The following ZNF793 variants were observed in gnomAD, a reference collection of about 807,000 sequenced individuals.
The protein encoded by ZNF793 is zinc finger protein 793.
In ZNF793, 5 loss-of-function variants were observed where a neutral mutation model predicts 12.4. That is an observed-to-expected ratio of 0.40 (90% CI 0.21 to 0.84). ZNF793 has a LOEUF of 0.84. Among genes scored for constraint, ZNF793 ranks in the 40% least tolerant of loss-of-function variants. The pLI is 0.35. For synonymous variants in ZNF793, 162 were observed against 172.4 expected, an observed-to-expected ratio of 0.94 and a Z score of 0.47; for missense variants, 456 against 495.0, an observed-to-expected ratio of 0.92 and a Z score of 0.75.
rs370817648 is a variant in ZNF793, at chr19:37,533,301, G to A, written c.143-7G>A. 35 of 1,613,594 alleles carry A rather than the reference G, an allele frequency of 2.2e-5. No homozygotes were observed. Among genetic ancestry groups the A allele is most frequent in the Admixed American group, 1.0e-4 (6 of 59,976 alleles). The stretch of plus-strand genomic sequence containing the variant: ...GCCCAAGACCTGCATCAATTTCCCC[G>A]GAACAGGTTATGAAGGCACCAAACC... On this transcript the variant is annotated splice_polypyrimidine_tract_variant and splice_region_variant and intron_variant, in intron 6 of 7. Coordinates refer to ENST00000627814, the MANE Select transcript of ZNF793 (RefSeq NM_001013659.3).
At chr19:37,530,510 G>A (rs2042450934) in intron 5 of ZNF793, among the ~76,000 whole-genome samples, 1 of 152,164 alleles carries the variant, frequency 6.6e-6, no homozygotes, top group Non-Finnish European at 1.5e-5. Flanking sequence ...CTTGAGATTA[G>A]GGAGTGGTGA....
chr19:37,536,621 C>CT (rs1471617185), intron 7 of ZNF793: 7 of 432,240 alleles, frequency 1.6e-5, no homozygotes, highest in Non-Finnish European at 2.4e-5. Context: ...CCCACAAAGC[C>CT]TTTACTTTCT....
Position 37,536,970 on chromosome 19 carries a change from C to G in ZNF793, c.312C>G (p.Ser104Arg), listed in dbSNP as rs117888549. 1 of 1,613,778 alleles carries G rather than the reference C, an allele frequency of 6.2e-7. No homozygotes were observed. The change falls in exon 8 of 8, where the codon AGC becomes AGG. Residue 104 changes from serine to arginine, a missense_variant. By Grantham distance (110) the Ser-to-Arg change is moderately radical. Coordinates refer to ENST00000627814, the MANE Select transcript of ZNF793 (RefSeq NM_001013659.3). ...DMLLRPGAAISKKTLPKEKSC... is the reference protein window; with the variant it reads ...DMLLRPGAAIRKKTLPKEKSC... ...TTTTGAGGCCAGGCGCAGCCATAAG[C>G]AAGAAAACATTGCCCAAGGAGAAAA... is the stretch of plus-strand genomic sequence containing the variant.
At chr19:37,508,886 A>G (rs1468304994) in intron 2 of ZNF793, among the ~76,000 whole-genome samples, 1 of 152,162 alleles carries the variant, frequency 6.6e-6, no homozygotes, top group African/African-American at 2.4e-5. Context: ...GCCTTGTCCT[A>G]TATATTTTAG....
Position 37,537,114 on chromosome 19 carries a change from G to C in ZNF793, c.456G>C (p.Leu152Phe), listed in dbSNP as rs761553902. The C allele has an allele frequency of 3.1e-6, 5 of 1,613,154 alleles. No individual in the cohort carries two copies. Among genetic ancestry groups the C allele is most frequent in the Non-Finnish European group, 3.4e-6 (4 of 1,179,530 alleles). ...CGKNLNHNLD[L>F]IGFKRNCAKK... Reference sequence around the variant, plus strand: ...AGAATTTGAACCATAATTTAGACTTGATTGGTTTTAAGAGAAACTGTGCAA... The same window carrying C: ...AGAATTTGAACCATAATTTAGACTTCATTGGTTTTAAGAGAAACTGTGCAA... Residue 152 changes from leucine to phenylalanine, a missense_variant, in exon 8 of 8, where the codon TTG (leucine) becomes TTC (phenylalanine). Physicochemically the swap from Leu to Phe is conservative, Grantham distance 22 (BLOSUM62 0). Transcript: ENST00000627814.
In ZNF793 at chr19:37,538,638, C is replaced by A. The variant is rs920768654; in HGVS notation, c.*759C>A. ...GTTGTATCATAATGGAAATCATGAT[C>A]TAATTGTGATACAAACTTTTCTAGA... On this transcript the variant is annotated 3_prime_UTR_variant, in exon 8 of 8. Coordinates refer to ENST00000627814, the MANE Select transcript of ZNF793 (RefSeq NM_001013659.3). The A allele has an allele frequency of 1.3e-5, 2 of 151,876 alleles. No homozygotes were observed. Among genetic ancestry groups the A allele is most frequent in the African/African-American group, 2.4e-5 (1 of 41,286 alleles). 9.4% of individuals were successfully genotyped at this position (151,876 alleles called of 1,614,324 possible). A position where few individuals can be genotyped will look rare whatever the true frequency, so the allele number is the denominator to read the frequency against.
Position 37,538,429 on chromosome 19 carries a change from TGCCAC to T in ZNF793, c.*551_*555del, listed in dbSNP as rs974481747. The T allele has an allele frequency of 2.6e-5, 4 of 152,348 alleles. No homozygotes were observed. The highest frequency in any genetic ancestry group is 9.7e-5 in the African/African-American group (4 of 41,424). 9.4% of individuals were successfully genotyped at this position (152,348 alleles called of 1,614,324 possible). On this transcript the variant is annotated 3_prime_UTR_variant, in exon 8 of 8. Coordinates refer to ENST00000627814, the MANE Select transcript of ZNF793 (RefSeq NM_001013659.3). Reference sequence around the variant, plus strand: ...CCAAGTAGCTGGGATTACAGGCACCTGCCACCACGCCTGGCTAATTTTTGTATTTT... The same window carrying T: ...CCAAGTAGCTGGGATTACAGGCACCTCACGCCTGGCTAATTTTTGTATTTT...
In ZNF793 at chr19:37,537,619, G is replaced by A; in HGVS notation, c.961G>A (p.Gly321Ser). Residue 321 changes from glycine to serine, a missense_variant, in exon 8 of 8, where the codon GGT becomes AGT. Transcript: ENST00000627814. The stretch of plus-strand genomic sequence containing the variant: ...CTGCAGTGAATGCGGGAAATCGTTT[G>A]GTGAGAAGTCATACCTCAATGTACA... ...FVCSECGKSFGEKSYLNVHRK... is the reference protein window; with the variant it reads ...FVCSECGKSFSEKSYLNVHRK... The A allele has an allele frequency of 6.2e-7, 1 of 1,614,058 alleles. No homozygotes were observed. The highest frequency in any genetic ancestry group is 8.5e-7 in the Non-Finnish European group (1 of 1,179,994).
chr19:37,530,330 T>C (rs1048153582), intron 5 of ZNF793, among the ~76,000 whole-genome samples: 4 of 152,140 alleles, frequency 2.6e-5, no homozygotes, highest in African/African-American at 9.7e-5. Flanking sequence ...CTTATACTAA[T>C]CCTCCTCAGC....
At position 37,537,162 on chromosome 19, in the gene ZNF793, T is replaced by C. The variant is rs752371633; in HGVS notation, c.504T>C (p.Ala168=). ...NCAKKQDECY[A]YGKLLQRINH... ...CAAAAAAGCAAGATGAGTGTTATGC[T>C]TATGGGAAATTGCTTCAGCGTATAA... Residue 168 remains alanine (A), a synonymous_variant, in exon 8 of 8, where the codon GCT becomes GCC. Transcript: ENST00000627814. 5 of 1,613,402 alleles carry C rather than the reference T, an allele frequency of 3.1e-6. No individual in the cohort carries two copies. The African/African-American group carries it at 6.7e-5, about 22-fold the overall frequency.
intron 2 of ZNF793, among the ~76,000 whole-genome samples, chr19:37,515,653 T>C (rs2042326361): frequency 6.6e-6 from 1 of 152,206 alleles, no homozygotes; most frequent in South Asian, 2.1e-4. Context: ...GATGAAAATA[T>C]GCCATTTAGA....
At position 37,542,766 on chromosome 19, in the gene ZNF793, AT is replaced by A. The variant is rs1235976130; in HGVS notation, c.*4894del. The A allele has an allele frequency of 6.1e-6, 1 of 164,820 alleles. No individual in the cohort carries two copies. The highest frequency in any genetic ancestry group is 1.3e-5 in the Non-Finnish European group (1 of 75,064). The allele number at this position is 164,820 out of a possible 1,614,324, so 10.2% of individuals were successfully genotyped here. ...TATTAAGTATGTTAAATATGACTCC[AT>A]TTTTTTAAATCATTAACAAAATGTC... On this transcript the variant is annotated 3_prime_UTR_variant, in exon 8 of 8. Coordinates refer to ENST00000627814, the MANE Select transcript of ZNF793 (RefSeq NM_001013659.3).
At chr19:37,536,652 G>T in intron 7 of ZNF793, 1 of 447,152 alleles carries the variant, frequency 2.2e-6, no homozygotes, top group Non-Finnish European at 3.9e-6. Flanking sequence ...GAATAAGTTT[G>T]CCAACCTCTG....
chr19:37,525,936 C>T (rs1164782891), intron 5 of ZNF793, among the ~76,000 whole-genome samples: 1 of 152,094 alleles, frequency 6.6e-6, no homozygotes, highest in Non-Finnish European at 1.5e-5. Context: ...TGAGGTGTTC[C>T]CAGCCCCCAA....
chr19:37,514,558 G>GTAGA (rs1364258191), intron 2 of ZNF793, among the ~76,000 whole-genome samples: 12 of 132,060 alleles, frequency 9.1e-5, no homozygotes, highest in Middle Eastern at 3.8e-3. Flanking sequence ...CCTGTCTCCA[G>GTAGA]TAGATAGATA....
rs886641543 is a variant in ZNF793, at chr19:37,520,516, C to T, written c.-147+204C>T. The stretch of plus-strand genomic sequence containing the variant: ...AGCTGAGCAAGACCAAACCTGAAGA[C>T]GTTACTCTTTCCAGGGACTCTCCAT... On this transcript the variant is annotated intron_variant, in intron 3 of 7. Transcript: ENST00000627814. 1.5e-4 allele frequency among the ~76,000 whole-genome samples: 23 copies of T among 152,252 alleles called. 1 individual carries two copies. The highest frequency in any genetic ancestry group is 3.4e-3 in the Middle Eastern group (1 of 294).
At position 37,537,817 on chromosome 19, in the gene ZNF793, A is replaced by G; in HGVS notation, c.1159A>G (p.Lys387Glu). 9 of 1,613,546 alleles carry G rather than the reference A, an allele frequency of 5.6e-6. No homozygotes were observed. The highest frequency in any genetic ancestry group is 7.6e-6 in the Non-Finnish European group (9 of 1,179,538). Residue 387 changes from lysine (K) to glutamate (E), a missense_variant, in exon 8 of 8, where the codon AAA becomes GAA. Lys to Glu is a moderately conservative substitution (Grantham distance 56, BLOSUM62 1). Coordinates refer to ENST00000627814, the MANE Select transcript of ZNF793 (RefSeq NM_001013659.3). ...YQKPNLSRHQ[K>E]IHARKNAYRN... ...GAAGCCAAACCTCAGCAGACATCAG[A>G]AAATTCATGCTCGGAAGAATGCCTA...
At chr19:37,525,758 C>T (rs2042410812) in intron 5 of ZNF793, among the ~76,000 whole-genome samples, 1 of 152,176 alleles carries the variant, frequency 6.6e-6, no homozygotes, top group Non-Finnish European at 1.5e-5. Context: ...CAGAGGGCTG[C>T]TTCAAGTGTA....
rs2291004 is a variant in ZNF793, at chr19:37,507,050, C to A, written c.-415+84C>A. 0.22 allele frequency: 33,351 copies of A among 152,150 alleles called. 3,977 individuals carry two copies. Among genetic ancestry groups the A allele is most frequent in the South Asian group, 0.32 (1,532 of 4,812 alleles). 9.4% of individuals were successfully genotyped at this position (152,150 alleles called of 1,614,324 possible). ...GGGAAGGCACGGTTTGAGAAACGGTCAAACCTGGGACTAGTGGAGGATAGT... is the reference window on the plus strand; with the variant it reads ...GGGAAGGCACGGTTTGAGAAACGGTAAAACCTGGGACTAGTGGAGGATAGT... On this transcript the variant is annotated intron_variant, in intron 1 of 7. Transcript: ENST00000627814.
Sources: gnomAD v4.1 joint callset for allele counts (sites outside exome capture counted in the v4.1 genomes callset) on GRCh38, gnomAD v4.1.1 for gene constraint, MANE v1.5 for transcripts, NCBI Gene and HGNC (gene_info 2026-07-23, HGNC 2026-07-21) for gene names.